Variants in ZC3H12B observed in about 807,000 individuals in gnomAD.
ZC3H12B encodes zinc finger CCCH-type containing 12B, also known as probable ribonuclease ZC3H12B.
ZC3H12B carries 7 observed loss-of-function variants against 43.9 expected under a neutral mutation model. The observed-to-expected ratio is 0.16, with a 90% CI of 0.09 to 0.30. The LOEUF is 0.30. ZC3H12B is among the 10% of genes least tolerant of loss of function. The pLI is 1.00. For synonymous variants in ZC3H12B, 222 were observed against 241.7 expected, an observed-to-expected ratio of 0.92 and a Z score of 0.76; for missense variants, 475 against 670.2, an observed-to-expected ratio of 0.71 and a Z score of 3.22.
chrX:65,288,324 G>A, the ZC3H12B span, among the ~76,000 whole-genome samples: 1,652 of 110,957 alleles, frequency 0.015, 13 homozygotes, highest in Non-Finnish European at 0.02. Context: ...CAATTACCCT[G>A]AGGCAAAAAC....
At chrX:65,378,807 G>A (rs1345157965) in intron 2 of ZC3H12B, among the ~76,000 whole-genome samples, 2 of 112,793 alleles carry the variant, frequency 1.8e-5, no homozygotes, top group Non-Finnish European at 1.9e-5. Flanking sequence ...AGTGCAAGGG[G>A]TCAGGGAGTT....
the ZC3H12B span, among the ~76,000 whole-genome samples, chrX:65,262,010 T>G: frequency 2.7e-5 from 3 of 110,749 alleles, no homozygotes; most frequent in East Asian, 8.5e-4. Flanking sequence ...TTAGTAAATT[T>G]TATAGTATTC....
At chrX:65,341,453 C>T in the ZC3H12B span, among the ~76,000 whole-genome samples, 8 of 111,408 alleles carry the variant, frequency 7.2e-5, no homozygotes, top group Non-Finnish European at 1.3e-4. Flanking sequence ...TTAAAGTCAG[C>T]TATAGAGAAA....
chrX:65,128,410 G>A, the ZC3H12B span, among the ~76,000 whole-genome samples: 1 of 111,691 alleles, frequency 9.0e-6, no homozygotes, highest in African/African-American at 3.3e-5. Context: ...TGATTTCATT[G>A]TGGTTGGAAA....
intron 2 of ZC3H12B, among the ~76,000 whole-genome samples, chrX:65,389,722 G>A (rs1408502010): frequency 2.7e-5 from 3 of 112,335 alleles, no homozygotes; most frequent in African/African-American, 9.7e-5. Context: ...CTTCTGCGTC[G>A]CTCATGCTGG....
chrX:65,385,830 A>C (rs1228782502), intron 2 of ZC3H12B, among the ~76,000 whole-genome samples: 1 of 112,026 alleles, frequency 8.9e-6, no homozygotes, highest in African/African-American at 3.3e-5. Flanking sequence ...TCAATACCTA[A>C]TTTATTGAGA....
chrX:65,328,587 G>A, the ZC3H12B span: 1 of 170,966 alleles, frequency 5.8e-6, no homozygotes, highest in Non-Finnish European at 1.1e-5. Flanking sequence ...TAAGTTTTAG[G>A]GTACATGTGC....
At chrX:65,149,804 AATAATAAT>A in the ZC3H12B span, among the ~76,000 whole-genome samples, 4 of 98,865 alleles carry the variant, frequency 4.0e-5, no homozygotes, top group Admixed American at 2.2e-4. Flanking sequence ...TAATAATAAT[AATAATAAT>A]AATAAATAAA....
chrX:65,316,006 C>A, the ZC3H12B span, among the ~76,000 whole-genome samples: 1 of 111,526 alleles, frequency 9.0e-6, no homozygotes, highest in African/African-American at 3.3e-5. Flanking sequence ...GAAAAACTGG[C>A]TTCAAGAATT....
At chrX:65,153,040 C>G in the ZC3H12B span, among the ~76,000 whole-genome samples, 2 of 111,699 alleles carry the variant, frequency 1.8e-5, no homozygotes, top group Admixed American at 9.5e-5. Flanking sequence ...ATGTAGAAAG[C>G]TGAAACTGGA....
intron 2 of ZC3H12B, among the ~76,000 whole-genome samples, chrX:65,393,230 C>G (rs1473115333): frequency 9.0e-6 from 1 of 110,963 alleles, no homozygotes; most frequent in Non-Finnish European, 1.9e-5. Context: ...GAGAAACACC[C>G]AAGAATGATC....
chrX:65,257,619 T>A, the ZC3H12B span, among the ~76,000 whole-genome samples: 2 of 108,418 alleles, frequency 1.8e-5, no homozygotes, highest in East Asian at 5.8e-4. Context: ...AAAGAGAACC[T>A]TTAAAAAAAA....
chrX:65,205,473 C>A, the ZC3H12B span, among the ~76,000 whole-genome samples: 3 of 111,668 alleles, frequency 2.7e-5, no homozygotes, highest in Admixed American at 9.5e-5. Flanking sequence ...TGACAAAATC[C>A]AGTATCCTTT....
At chrX:65,364,574 C>T (rs762247597), upstream of ZC3H12B, among the ~76,000 whole-genome samples, 1 of 110,774 alleles carries the variant, frequency 9.0e-6, no homozygotes, top group Non-Finnish European at 1.9e-5. Flanking sequence ...CGGTCACTTC[C>T]ACCTATCAGT....
intron 3 of ZC3H12B, among the ~76,000 whole-genome samples, chrX:65,453,400 ATAT>A (rs1569414453): frequency 3.8e-4 from 33 of 86,610 alleles, no homozygotes; most frequent in African/African-American, 1.4e-3. Flanking sequence ...ATATATATAT[ATAT>A]AAAATAGAAT....
intron 3 of ZC3H12B, among the ~76,000 whole-genome samples, chrX:65,423,132 C>T (rs1046975425): frequency 4.6e-5 from 5 of 109,295 alleles, no homozygotes; most frequent in Non-Finnish European, 9.5e-5. Flanking sequence ...GGGGTTTCAC[C>T]TTGTTAACCA....
chrX:65,047,832 G>T, the ZC3H12B span, among the ~76,000 whole-genome samples: 2 of 109,953 alleles, frequency 1.8e-5, no homozygotes, highest in Non-Finnish European at 3.8e-5. Context: ...AAACTACTCT[G>T]CCAGTCTCTA....
At chrX:65,101,506 A>G in the ZC3H12B span, among the ~76,000 whole-genome samples, 1 of 111,941 alleles carries the variant, frequency 8.9e-6, no homozygotes, top group Admixed American at 9.4e-5. Flanking sequence ...TAGACTAATA[A>G]AGAAGAAAAG....
chrX:65,114,246 A>G, the ZC3H12B span, among the ~76,000 whole-genome samples: 4 of 107,473 alleles, frequency 3.7e-5, no homozygotes, highest in Non-Finnish European at 7.7e-5. Context: ...TCTAAATTTG[A>G]TATCAGTGAA....
Sources: allele counts gnomAD v4.1 joint callset (sites outside exome capture counted in the v4.1 genomes callset), GRCh38; gene constraint gnomAD v4.1.1; transcripts MANE v1.5; gene names NCBI Gene and HGNC (gene_info 2026-07-23, HGNC 2026-07-21).